The following PRODH2 variants were observed in gnomAD, a reference collection of about 807,000 sequenced individuals.
The protein encoded by PRODH2 is hydroxyproline dehydrogenase.
A neutral mutation model predicts 51.9 loss-of-function variants in PRODH2; 49 were observed. The ratio of observed to expected loss-of-function variants is 0.94; its 90% CI spans 0.75 to 1.20. The LOEUF is 1.20. Among genes scored for constraint, PRODH2 ranks in the 50% most tolerant of loss-of-function variants. PRODH2 has a pLI of 0.00. For synonymous variants in PRODH2, 249 were observed against 260.7 expected (o/e 0.96, Z 0.43); for missense variants, 597 against 610.9 (o/e 0.98, Z 0.24).
rs1297941880 is a variant in PRODH2 at position 35,802,965 on chromosome 19, T to C, written c.1112+3A>G. On this transcript the variant is annotated splice_donor_region_variant and intron_variant, in intron 8 of 9. Transcript: ENST00000653904. ...ATTTCCCGCCCATCCCTCCACCTCA[T>C]ACCGCTTGGTTGCCTGGCGAACAGA... is the stretch of plus-strand genomic sequence containing the variant. 6.5e-7 allele frequency: 1 copy of C among 1,543,312 alleles called. No homozygotes were observed. Among genetic ancestry groups the C allele is most frequent in the African/African-American group, 1.4e-5 (1 of 73,716 alleles).
intron 9 of PRODH2, 38 bp from the exon 10 acceptor site, chr19:35,800,260 G>A: frequency 2.7e-6 from 4 of 1,493,604 alleles, no homozygotes; most frequent in Non-Finnish European, 3.6e-6. Context: ...CGTTTTTGGT[G>A]TTTTTCTGAG....
At chr19:35,808,146 C>G (rs568475722) in intron 4 of PRODH2, among the ~76,000 whole-genome samples, 6 of 152,160 alleles carry the variant, frequency 3.9e-5, no homozygotes, top group African/African-American at 1.4e-4. Context: ...CCCCTAGCAC[C>G]GTGTCTGGAA....
chr19:35,812,492 AC>A lies in PRODH2; in HGVS notation c.238del (p.Val80SerfsTer14). On this transcript the variant is annotated frameshift_variant, in exon 2 of 10. Transcript: ENST00000653904. LOFTEE classifies it high-confidence loss of function. ...RLSGAFLRAS[V>X]YGQFVAGETA... The stretch of plus-strand genomic sequence containing the variant: ...CTCACCAGCCACAAACTGCCCATAG[AC>A]GGATGCTCGGAGAAATGCGCCTGAG... 1 of 1,614,216 alleles carries A rather than the reference AC, an allele frequency of 6.2e-7. No individual in the cohort carries two copies. Among genetic ancestry groups the A allele is most frequent in the East Asian group, 2.2e-5 (1 of 44,888 alleles).
intron 7 of PRODH2, among the ~76,000 whole-genome samples, chr19:35,805,309 C>T (rs1227893682): frequency 1.3e-5 from 2 of 152,126 alleles, no homozygotes; most frequent in African/African-American, 4.8e-5. Context: ...CTCTGTCGCC[C>T]AGGCTGGAGT....
At position 35,806,809 on chromosome 19, in the gene PRODH2, G is replaced by A. The variant is rs773367641; in HGVS notation, c.700C>T (p.Arg234Trp). The part of the protein sequence containing the change: ...VAQYARAQHV[R>W]LLVDAEYTSL... ...GTGTACTCCGCATCCACCAGGAGCC[G>A]CACGTGCTGGGCCCGGGCATACTGA... The change falls in exon 6 of 10, where the codon CGG (arginine) becomes TGG (tryptophan). Residue 234 changes from arginine to tryptophan, a missense_variant. Physicochemically the swap from Arg to Trp is moderately radical, Grantham distance 101. Coordinates refer to ENST00000653904, the MANE Select transcript of PRODH2 (RefSeq NM_021232.2). 15 of 1,608,274 alleles carry A rather than the reference G, an allele frequency of 9.3e-6. No homozygotes were observed. Among genetic ancestry groups the A allele is most frequent in the South Asian group, 8.9e-5 (8 of 90,310 alleles).
At position 35,812,254 on chromosome 19, in the gene PRODH2, C is replaced by T. The variant is rs1458646919; in HGVS notation, c.390G>A (p.Gly130=). 1.2e-6 allele frequency: 2 copies of T among 1,613,460 alleles called. No individual in the cohort carries two copies. Among genetic ancestry groups the T allele is most frequent in the African/African-American group, 2.7e-5 (2 of 74,940 alleles). The change falls in exon 3 of 10, where the codon GGG becomes GGA. Residue 130 remains glycine, a synonymous_variant. Transcript: ENST00000653904. The stretch of plus-strand genomic sequence containing the variant: ...CACACCGCAGCATAGCACCGAGGTT[C>T]CCCTCATACCACGCCTCACTGCCCA... The part of the protein sequence containing the change: ...AAKSGEAWYE[G]NLGAMLRCVD...
intron 7 of PRODH2, 152 bp downstream of exon 7, chr19:35,806,278 C>T (rs1972509615): frequency 1.1e-6 from 1 of 943,044 alleles, no homozygotes; most frequent in African/African-American, 1.6e-5. Flanking sequence ...GAGATGGGGT[C>T]TCCCTGTGTT....
rs149481373 is a variant in PRODH2, at chr19:35,802,983, C to A, written c.1097G>T (p.Arg366Leu). Residue 366 changes from arginine to leucine, a missense_variant, in exon 8 of 10, where the codon CGC (arginine) becomes CTC (leucine). Arg to Leu is a moderately radical substitution (Grantham distance 102). Coordinates refer to ENST00000653904, the MANE Select transcript of PRODH2 (RefSeq NM_021232.2). ...MVASHNEESVRQATKRMWELG... is the reference protein window; with the variant it reads ...MVASHNEESVLQATKRMWELG... Reference sequence around the variant, plus strand: ...CACCTCATACCGCTTGGTTGCCTGGCGAACAGATTCCTCATTGTGGGAAGC... The same window carrying A: ...CACCTCATACCGCTTGGTTGCCTGGAGAACAGATTCCTCATTGTGGGAAGC... The A allele has an allele frequency of 1.1e-5, 17 of 1,561,962 alleles. No homozygotes were observed. The African/African-American group carries it at 1.6e-4, about 15-fold the overall frequency.
At chr19:35,806,377 C>T in intron 7 of PRODH2, 53 bp downstream of exon 7, 5 of 1,604,840 alleles carry the variant, frequency 3.1e-6, no homozygotes, top group Non-Finnish European at 4.3e-6. Flanking sequence ...AGCCACTGCA[C>T]CCAACCACTA....
At chr19:35,801,194 G>T (rs369392388) in intron 9 of PRODH2, among the ~76,000 whole-genome samples, 25 of 152,226 alleles carry the variant, frequency 1.6e-4, no homozygotes, top group African/African-American at 5.8e-4. Context: ...GCTGGGCGTG[G>T]TGGCTCACGC....
intron 2 of PRODH2, 26 bp from the exon 3 acceptor site, chr19:35,812,298 C>T (rs1265496587): frequency 1.9e-6 from 3 of 1,612,318 alleles, no homozygotes; most frequent in Non-Finnish European, 2.5e-6. Flanking sequence ...GTGTCAGGGC[C>T]CGAACAGCAA....
intron 7 of PRODH2, among the ~76,000 whole-genome samples, chr19:35,803,395 C>T (rs899571724): frequency 1.6e-4 from 25 of 152,174 alleles, no homozygotes; most frequent in African/African-American, 5.8e-4. Flanking sequence ...GCTGGGATTA[C>T]AGGCGTGCAC....
rs538864300 is a variant in PRODH2 at position 35,807,452 on chromosome 19, G to A, written c.598-331C>T. Reference sequence around the variant, plus strand: ...CGAGTAGCTGGGATTACAGGCGCCCGCCACCATGCCCGGCTAATATTTGTA... The same window carrying A: ...CGAGTAGCTGGGATTACAGGCGCCCACCACCATGCCCGGCTAATATTTGTA... On this transcript the variant is annotated intron_variant, in intron 4 of 9. Coordinates refer to ENST00000653904, the MANE Select transcript of PRODH2 (RefSeq NM_021232.2). Among the ~76,000 whole-genome samples the A allele has an allele frequency of 4.6e-5, 7 of 151,860 alleles. No homozygotes were observed. The South Asian group carries it at 8.3e-4, about 18-fold the overall frequency.
chr19:35,801,854 G>A (rs1038337355), intron 9 of PRODH2: 4 of 280,056 alleles, frequency 1.4e-5, no homozygotes, highest in African/African-American at 8.5e-5. Context: ...CCAGTGGGGT[G>A]TTTCAAGAAA....
chr19:35,802,829 G>A (rs1345398333), intron 8 of PRODH2, 139 bp downstream of exon 8: 3 of 598,700 alleles, frequency 5.0e-6, no homozygotes, highest in African/African-American at 1.9e-5. Context: ...TTATAGGCAT[G>A]TGCCAACCAT....
intron 4 of PRODH2, among the ~76,000 whole-genome samples, chr19:35,811,539 GGAGA>G (rs933444448): frequency 7.4e-5 from 11 of 148,480 alleles, no homozygotes; most frequent in Non-Finnish European, 1.5e-4. Context: ...GAGGAAGGAA[GGAGA>G]GAGAGAGAAA....
chr19:35,805,984 G>A (rs1972504889), intron 7 of PRODH2, among the ~76,000 whole-genome samples: 1 of 152,244 alleles, frequency 6.6e-6, no homozygotes, highest in African/African-American at 2.4e-5. Context: ...GTGGAGTGAG[G>A]GAGAGGAAGA....
At chr19:35,805,425 C>T (rs1972496828) in intron 7 of PRODH2, among the ~76,000 whole-genome samples, 1 of 152,106 alleles carries the variant, frequency 6.6e-6, no homozygotes, top group Non-Finnish European at 1.5e-5. Context: ...AGCCACCACA[C>T]CCGGCTAATT....
intron 9 of PRODH2, among the ~76,000 whole-genome samples, chr19:35,801,034 G>A (rs1432880911): frequency 6.6e-6 from 1 of 152,182 alleles, no homozygotes; most frequent in African/African-American, 2.4e-5. Flanking sequence ...GGGCATGGTG[G>A]TGCGTGCCTA....
Sources: allele counts gnomAD v4.1 joint callset (sites outside exome capture counted in the v4.1 genomes callset), GRCh38; gene constraint gnomAD v4.1.1; transcripts MANE v1.5; gene names NCBI Gene and HGNC (gene_info 2026-07-23, HGNC 2026-07-21).